SLC30A8: variants seen among roughly 807,000 people sequenced by gnomAD.
SLC30A8 encodes solute carrier family 30 member 8.
SLC30A8 carries 27 observed loss-of-function variants against 36.9 expected under a neutral mutation model. The observed-to-expected ratio is 0.73, with a 90% CI of 0.54 to 1.01. SLC30A8 has a LOEUF of 1.01. Ranked by LOEUF, SLC30A8 falls within the 50% of genes least tolerant of loss-of-function variation. SLC30A8 has a pLI of 0.00. For synonymous variants in SLC30A8, 164 were observed against 172.4 expected (o/e 0.95, Z 0.38); for missense variants, 439 against 452.0 (o/e 0.97, Z 0.26).
At chr8:117,106,873 G>A (rs938507326) in intron 2 of SLC30A8, among the ~76,000 whole-genome samples, 11 of 152,186 alleles carry the variant, frequency 7.2e-5, no homozygotes, top group Non-Finnish European at 1.6e-4. Context: ...CCTCTGCAGT[G>A]ATGCCAAAGG....
chr8:117,053,209 G>A (rs190624287), intron 2 of SLC30A8, among the ~76,000 whole-genome samples: 34 of 152,294 alleles, frequency 2.2e-4, no homozygotes, highest in Middle Eastern at 6.8e-3. Context: ...GATTAGAGGC[G>A]TGAGCCACCG....
rs74744050 is a variant in SLC30A8, at chr8:116,957,544, T to G, written c.-266+6425T>G. Among the ~76,000 whole-genome samples, 1,426 of 152,294 alleles carry G rather than the reference T, an allele frequency of 9.4e-3. 32 individuals are homozygous for G. Among genetic ancestry groups the G allele is most frequent in the East Asian group, 0.08 (415 of 5,176 alleles). ...CCTTGGCCTCCCGAAGTGCTGGGAT[T>G]ACAGGCGTGAGCCACCATGCCCTGC... is the stretch of plus-strand genomic sequence containing the variant. On this transcript the variant is annotated intron_variant, in intron 1 of 10. Transcript: ENST00000427715.
At chr8:117,099,365 G>C (rs1427238677) in intron 2 of SLC30A8, among the ~76,000 whole-genome samples, 1 of 152,102 alleles carries the variant, frequency 6.6e-6, no homozygotes, top group Non-Finnish European at 1.5e-5. Context: ...TTAAAATGAG[G>C]CTGTGAGTAG....
intron 2 of SLC30A8, among the ~76,000 whole-genome samples, chr8:117,051,743 G>A (rs560502647): frequency 5.5e-4 from 83 of 152,082 alleles, no homozygotes; most frequent in African/African-American, 1.8e-3. Context: ...AACCCGGGGG[G>A]CGGAGCTTGC....
At chr8:116,999,004 C>T (rs1815913578) in intron 1 of SLC30A8, among the ~76,000 whole-genome samples, 1 of 152,178 alleles carries the variant, frequency 6.6e-6, no homozygotes, top group Non-Finnish European at 1.5e-5. Context: ...TGGCACACGC[C>T]ACCCAGCACT....
intron 1 of SLC30A8, among the ~76,000 whole-genome samples, chr8:117,006,799 T>TG (rs1816187470): frequency 9.9e-6 from 1 of 101,488 alleles, no homozygotes; most frequent in Non-Finnish European, 2.2e-5. Context: ...TTTTTTTTTT[T>TG]TGAGACGGAA....
intron 1 of SLC30A8, among the ~76,000 whole-genome samples, chr8:117,135,959 T>C (rs1821340828): frequency 6.6e-6 from 1 of 151,950 alleles, no homozygotes; most frequent in African/African-American, 2.4e-5. Flanking sequence ...TGGTTAACAA[T>C]TATTGATTGA....
intron 6 of SLC30A8, among the ~76,000 whole-genome samples, chr8:117,168,956 T>TAA (rs1489781940): frequency 6.6e-6 from 1 of 152,214 alleles, no homozygotes; most frequent in Non-Finnish European, 1.5e-5. Flanking sequence ...AACTAGCTTC[T>TAA]AAAGTTTTTA....
chr8:116,971,240 A>G (rs1273360695), intron 1 of SLC30A8, among the ~76,000 whole-genome samples: 1 of 152,192 alleles, frequency 6.6e-6, no homozygotes, highest in African/African-American at 2.4e-5. Context: ...AAACCTACAT[A>G]TCCTGCACAT....
intron 2 of SLC30A8, among the ~76,000 whole-genome samples, chr8:117,105,474 A>G (rs1819952050): frequency 1.3e-5 from 2 of 151,246 alleles, no homozygotes; most frequent in South Asian, 4.1e-4. Context: ...ATATGTACAC[A>G]TATGTGTGTT....
intron 1 of SLC30A8, among the ~76,000 whole-genome samples, chr8:116,997,416 G>A (rs771783324): frequency 7.2e-5 from 11 of 151,990 alleles, no homozygotes; most frequent in Non-Finnish European, 1.5e-4. Flanking sequence ...TTTGTTAGAT[G>A]TATAGAATAT....
chr8:117,102,538 A>T (rs1336158284), intron 2 of SLC30A8, among the ~76,000 whole-genome samples: 1 of 152,158 alleles, frequency 6.6e-6, no homozygotes, highest in Non-Finnish European at 1.5e-5. Flanking sequence ...CCAAAGAAAC[A>T]GAAATCTATT....
At chr8:117,016,905 G>A (rs1332794557) in intron 1 of SLC30A8, among the ~76,000 whole-genome samples, 4 of 151,870 alleles carry the variant, frequency 2.6e-5, no homozygotes, top group East Asian at 1.9e-4. Context: ...TCTAATTCAC[G>A]TTATGTTATA....
chr8:117,042,386 C>G (rs545756032), intron 2 of SLC30A8, among the ~76,000 whole-genome samples: 3 of 152,180 alleles, frequency 2.0e-5, no homozygotes, highest in South Asian at 2.1e-4. Flanking sequence ...GTTGAATGCT[C>G]AGGAAATGGA....
At chr8:117,006,955 GTTTTTTTTTTTTTTTTTT>G (rs869111415) in intron 1 of SLC30A8, 1 of 38,128 alleles carries the variant, frequency 2.6e-5, no homozygotes, top group African/African-American at 1.1e-4. Context: ...GCTAATTCTT[GTTTTTTTTTTTTTTTTTT>G]TTTTTTTTTT....
At chr8:117,046,136 C>T (rs943849244) in intron 2 of SLC30A8, among the ~76,000 whole-genome samples, 9 of 152,038 alleles carry the variant, frequency 5.9e-5, no homozygotes, top group African/African-American at 2.2e-4. Context: ...AAGGTTCCTC[C>T]CCAAATCCCG....
At chr8:117,131,999 C>A (rs1024037943), upstream of SLC30A8, among the ~76,000 whole-genome samples, 1 of 152,028 alleles carries the variant, frequency 6.6e-6, no homozygotes, top group Admixed American at 6.6e-5. Flanking sequence ...TAAACCACTT[C>A]ACCACACTAC....
chr8:117,120,271 A>G (rs139643185), intron 2 of SLC30A8, among the ~76,000 whole-genome samples: 28 of 152,108 alleles, frequency 1.8e-4, no homozygotes, highest in African/African-American at 5.5e-4. Context: ...AGACAGATAT[A>G]CAGACCGATG....
At chr8:116,975,095 G>A (rs538908238) in intron 1 of SLC30A8, among the ~76,000 whole-genome samples, 18 of 151,782 alleles carry the variant, frequency 1.2e-4, no homozygotes, top group African/African-American at 3.6e-4. Flanking sequence ...ACCTAATGAC[G>A]AGTTACTGGG....
Sources: allele counts gnomAD v4.1 joint callset (sites outside exome capture counted in the v4.1 genomes callset), GRCh38; gene constraint gnomAD v4.1.1; transcripts MANE v1.5; gene names NCBI Gene and HGNC (gene_info 2026-07-23, HGNC 2026-07-21).